The following SLC4A4 variants were observed in gnomAD, a reference collection of about 807,000 sequenced individuals.
SLC4A4 encodes the protein solute carrier family 4 member 4.
SLC4A4 carries 27 observed loss-of-function variants against 111.5 expected under a neutral mutation model. The observed-to-expected ratio is 0.24, with a 90% confidence interval of 0.18 to 0.33. The LOEUF (loss-of-function observed/expected upper bound fraction) is 0.33. Among genes scored for constraint, SLC4A4 ranks in the 10% least tolerant of loss-of-function variants. SLC4A4 has a pLI of 1.00. For synonymous variants in SLC4A4, 443 were observed against 463.4 expected, an observed-to-expected ratio of 0.96 and a Z score of 0.57; for missense variants, 909 against 1,315.5, an observed-to-expected ratio of 0.69 and a Z score of 4.78.
Position 71,555,125 on chromosome 4 carries a change from T to A in SLC4A4, c.2695-15T>A. 6.4e-7 allele frequency: 1 copy of A among 1,568,202 alleles called. No homozygotes were observed. On this transcript the variant is annotated splice_polypyrimidine_tract_variant and intron_variant, in intron 20 of 25. Coordinates refer to ENST00000264485, the MANE Select transcript of SLC4A4 (RefSeq NM_001098484.3). ...TGTTATCATTTTTAAGTTGTATCCA[T>A]TTTTTTCCTTCTAGTTTATACCCAT...
rs1233152525 is a variant in SLC4A4, at chr4:71,158,862, G to C, written c.-2+66070G>C. 2.6e-5 allele frequency among the ~76,000 whole-genome samples: 4 copies of C among 152,090 alleles called. No individual in the cohort carries two copies. The South Asian group carries it at 8.3e-4, about 32-fold the overall frequency. The stretch of plus-strand genomic sequence containing the variant: ...GTGTGCTTTTCAGAGTGCACTTCAC[G>C]GAGAATGGGATGTGATTTGGAGAAG... On this transcript the variant is annotated intron_variant, in intron 2 of 26. Transcript: ENST00000649996.
chr4:71,352,978 C>T (rs1027764480), intron 5 of SLC4A4, among the ~76,000 whole-genome samples: 1 of 152,152 alleles, frequency 6.6e-6, no homozygotes, highest in East Asian at 1.9e-4. Context: ...TTGGGATCTT[C>T]ATCACCAGGA....
At chr4:71,282,084 A>T (rs369016351) in intron 3 of SLC4A4, among the ~76,000 whole-genome samples, 3 of 152,304 alleles carry the variant, frequency 2.0e-5, no homozygotes, top group East Asian at 1.9e-4. Context: ...CTGTTAAAAA[A>T]AACCTTGAGA....
intron 7 of SLC4A4, among the ~76,000 whole-genome samples, chr4:71,422,473 C>T (rs1429668361): frequency 1.3e-5 from 2 of 151,786 alleles, no homozygotes; most frequent in Non-Finnish European, 2.9e-5. Context: ...GGGAATCCTC[C>T]CTAACTCATT....
chr4:71,160,612 T>A (rs1246766005), intron 2 of SLC4A4, among the ~76,000 whole-genome samples: 1 of 151,228 alleles, frequency 6.6e-6, no homozygotes, highest in African/African-American at 2.4e-5. Flanking sequence ...GAGGGTATTA[T>A]GAGATGGGAG....
chr4:71,337,875 G>A (rs1478747406), intron 3 of SLC4A4, among the ~76,000 whole-genome samples: 1 of 151,760 alleles, frequency 6.6e-6, no homozygotes, highest in African/African-American at 2.4e-5. Context: ...TGTCACCCAG[G>A]CTGGAGTGCA....
chr4:71,178,170 A>C (rs907033725), intron 2 of SLC4A4, among the ~76,000 whole-genome samples: 3 of 152,174 alleles, frequency 2.0e-5, no homozygotes, highest in Non-Finnish European at 2.9e-5. Flanking sequence ...TCTGGGACAC[A>C]TTCAAAGCAG....
chr4:71,331,480 GACAGAAAACCAAACACC>G (rs1387322939), intron 3 of SLC4A4, among the ~76,000 whole-genome samples: 8 of 150,058 alleles, frequency 5.3e-5, no homozygotes, highest in East Asian at 2.0e-4. Flanking sequence ...CTGTTGCAGG[GACAGAAAACCAAACACC>G]ACATGTTCTC....
chr4:71,364,970 G>A (rs188224895), intron 6 of SLC4A4, among the ~76,000 whole-genome samples: 1 of 152,152 alleles, frequency 6.6e-6, no homozygotes, highest in African/African-American at 2.4e-5. Context: ...CTACTTTGCA[G>A]ATGCCAAATA....
intron 2 of SLC4A4, among the ~76,000 whole-genome samples, chr4:71,103,305 C>T (rs1469947849): frequency 6.6e-6 from 1 of 152,062 alleles, no homozygotes; most frequent in Non-Finnish European, 1.5e-5. Context: ...GACTTAGACT[C>T]CCGCACATTA....
chr4:71,097,466 A>G (rs1742592432), intron 2 of SLC4A4, among the ~76,000 whole-genome samples: 1 of 152,182 alleles, frequency 6.6e-6, no homozygotes, highest in African/African-American at 2.4e-5. Context: ...GCTATTGTGA[A>G]TAGTGCTGCA....
chr4:71,131,626 G>A (rs894937063), intron 2 of SLC4A4, among the ~76,000 whole-genome samples: 6 of 152,192 alleles, frequency 3.9e-5, no homozygotes, highest in African/African-American at 1.2e-4. Context: ...ATGAAAAGCT[G>A]TATTAATCTA....
intron 6 of SLC4A4, among the ~76,000 whole-genome samples, chr4:71,358,086 G>A (rs896199474): frequency 3.3e-5 from 5 of 152,044 alleles, no homozygotes; most frequent in African/African-American, 4.8e-5. Flanking sequence ...AGGCCGAGGC[G>A]GGTGGATCAC....
chr4:71,142,642 G>A (rs1744032021), intron 2 of SLC4A4, among the ~76,000 whole-genome samples: 1 of 152,006 alleles, frequency 6.6e-6, no homozygotes, highest in Non-Finnish European at 1.5e-5. Context: ...ACCAACCTGA[G>A]TCTTCGGCTT....
At position 71,211,274 on chromosome 4, in the gene SLC4A4, A is replaced by T. The variant is rs1029715781; in HGVS notation, c.-2+23873A>T. The stretch of plus-strand genomic sequence containing the variant: ...GATTTATCTTTTATTTGCTTTTAAC[A>T]ATATAAAGACATAGTGATTCTCCTA... On this transcript the variant is annotated intron_variant, in intron 1 of 25. Coordinates refer to ENST00000264485, the MANE Select transcript of SLC4A4 (RefSeq NM_001098484.3). Among the ~76,000 whole-genome samples the T allele has an allele frequency of 2.0e-5, 3 of 152,340 alleles. No homozygotes were observed. The East Asian group carries it at 5.8e-4, about 29-fold the overall frequency.
intron 2 of SLC4A4, among the ~76,000 whole-genome samples, chr4:71,179,166 A>G (rs1745199347): frequency 6.6e-6 from 1 of 152,218 alleles, no homozygotes; most frequent in South Asian, 2.1e-4. Context: ...GCTTCATGCT[A>G]AAAACTCTCA....
intron 2 of SLC4A4, among the ~76,000 whole-genome samples, chr4:71,138,754 T>G (rs1743911456): frequency 6.6e-6 from 1 of 152,076 alleles, no homozygotes; most frequent in African/African-American, 2.4e-5. Context: ...ATCAGTAAGT[T>G]GGCCGGGCGC....
intron 6 of SLC4A4, 36 bp from the exon 7 acceptor site, chr4:71,397,541 G>T (rs187221634): frequency 6.4e-7 from 1 of 1,552,210 alleles, no homozygotes; most frequent in Non-Finnish European, 8.9e-7. Flanking sequence ...TTATTGAAAA[G>T]AAGTCTTTAA....
chr4:71,111,538 T>G (rs1560725497), intron 2 of SLC4A4, among the ~76,000 whole-genome samples: 1 of 140,604 alleles, frequency 7.1e-6, no homozygotes, highest in Non-Finnish European at 1.5e-5. Flanking sequence ...TTTTTTTTTT[T>G]TTTTTTTTTT....
Sources: allele counts gnomAD v4.1 joint callset (sites outside exome capture counted in the v4.1 genomes callset), GRCh38; gene constraint gnomAD v4.1.1; transcripts MANE v1.5; gene names NCBI Gene and HGNC (gene_info 2026-07-23, HGNC 2026-07-21).